Variants in CENPP observed in about 807,000 individuals in gnomAD.
CENPP encodes centromere protein P.
In CENPP, 24 loss-of-function variants were observed where a neutral mutation model predicts 35.6. The observed-to-expected ratio is 0.67, with a 90% CI of 0.49 to 0.95. The LOEUF is 0.95. Ranked by LOEUF, CENPP falls within the 40% of genes least tolerant of loss-of-function variation. The pLI is 0.00. For missense variants in CENPP, 332 were observed against 345.3 expected, an observed-to-expected ratio of 0.96 and a Z score of 0.31; for synonymous variants, 120 against 125.5, an observed-to-expected ratio of 0.96 and a Z score of 0.29.
intron 5 of CENPP, among the ~76,000 whole-genome samples, chr9:92,470,271 C>T (rs1183014691): frequency 6.6e-6 from 1 of 152,192 alleles, no homozygotes; most frequent in African/African-American, 2.4e-5. Context: ...CAGATATATT[C>T]TGTGTGCTGC....
intron 5 of CENPP, among the ~76,000 whole-genome samples, chr9:92,602,276 G>A (rs1207236076): frequency 1.3e-5 from 2 of 152,230 alleles, no homozygotes; most frequent in African/African-American, 4.8e-5. Context: ...CTTTCTGCTG[G>A]TAGAAAGCCA....
At chr9:92,595,575 GT>G (rs369954270) in intron 5 of CENPP, among the ~76,000 whole-genome samples, 12 of 147,766 alleles carry the variant, frequency 8.1e-5, no homozygotes, top group Non-Finnish European at 1.4e-4. Flanking sequence ...TTTGTTTTTT[GT>G]TTTTTTTTTC....
chr9:92,567,442 A>G (rs1346448511), intron 5 of CENPP, among the ~76,000 whole-genome samples: 4 of 148,476 alleles, frequency 2.7e-5, no homozygotes, highest in Admixed American at 1.4e-4. Context: ...TAGCGTATCC[A>G]TCATCTCAAA....
At position 92,619,573 on chromosome 9, in the gene CENPP, G is replaced by C. The variant is rs1431510379; in HGVS notation, c.*6424G>C. The C allele has an allele frequency of 3.8e-6, 6 of 1,572,184 alleles. No individual in the cohort carries two copies. The Admixed American group carries it at 5.7e-5, about 15-fold the overall frequency. ...GACGCGGTACTGCTGCACCTGCAGGGGCGGGAAAGATCAGCTCCAGGTCAC... is the reference window on the plus strand; with the variant it reads ...GACGCGGTACTGCTGCACCTGCAGGCGCGGGAAAGATCAGCTCCAGGTCAC... On this transcript the variant is annotated 3_prime_UTR_variant, in exon 8 of 8. Coordinates refer to ENST00000375587, the MANE Select transcript of CENPP (RefSeq NM_001012267.3).
intron 6 of CENPP, 67 bp from the exon 7 acceptor site, chr9:92,612,445 CCAGGTGCGACT>C: frequency 1.8e-6 from 2 of 1,107,422 alleles, no homozygotes. Flanking sequence ...GAAATGGAGA[CCAGGTGCGACT>C]CATGGTTGCT....
At chr9:92,604,025 G>C (rs780231357) in intron 5 of CENPP, among the ~76,000 whole-genome samples, 3 of 152,166 alleles carry the variant, frequency 2.0e-5, no homozygotes, top group Non-Finnish European at 4.4e-5. Flanking sequence ...ACTAATGATC[G>C]TTTGCATGCA....
At chr9:92,588,066 G>A (rs1406212647) in intron 5 of CENPP, among the ~76,000 whole-genome samples, 1 of 152,034 alleles carries the variant, frequency 6.6e-6, no homozygotes, top group Non-Finnish European at 1.5e-5. Context: ...CTTGAACCCA[G>A]GAGGCGGAGG....
intron 5 of CENPP, among the ~76,000 whole-genome samples, chr9:92,535,714 A>AT (rs1849128210): frequency 6.6e-6 from 1 of 152,146 alleles, no homozygotes; most frequent in Admixed American, 6.5e-5. Flanking sequence ...AATTCCACCT[A>AT]AACATATAAA....
intron 5 of CENPP, among the ~76,000 whole-genome samples, chr9:92,406,584 T>C (rs184911131): frequency 3.9e-4 from 59 of 152,284 alleles, no homozygotes; most frequent in African/African-American, 1.3e-3. Flanking sequence ...GTCAGGAATT[T>C]GGCGTGTCTT....
In CENPP at chr9:92,500,686, A is replaced by T. The variant is rs1210935102; in HGVS notation, c.565-110628A>T. The T allele has an allele frequency of 4.5e-6, 7 of 1,563,874 alleles. No individual in the cohort carries two copies. In the East Asian group the frequency reaches 1.6e-4, roughly 35 times the overall value. ...TGGTTGTTTTATCATATATTTTGCC[A>T]ACCAAAATTTAAACAGATACTTGAA... On this transcript the variant is annotated intron_variant, in intron 5 of 7. Coordinates refer to ENST00000375587, the MANE Select transcript of CENPP (RefSeq NM_001012267.3).
Position 92,476,686 on chromosome 9 carries a change from C to T in CENPP, c.564+96827C>T, listed in dbSNP as rs968214719. Among the ~76,000 whole-genome samples the T allele has an allele frequency of 2.6e-5, 4 of 152,256 alleles. No homozygotes were observed. The highest frequency in any genetic ancestry group is 2.9e-5 in the Non-Finnish European group (2 of 68,018). ...CAATTTCAAAACTAGCCCTAGCCTCCCATCTGTACACTACTTTGTGGAGGT... is the reference window on the plus strand; with the variant it reads ...CAATTTCAAAACTAGCCCTAGCCTCTCATCTGTACACTACTTTGTGGAGGT... On this transcript the variant is annotated intron_variant, in intron 5 of 7. Transcript: ENST00000375587. This position sits in a 1 kb window ranked among gnomAD's most constrained non-coding sequence, Gnocchi z 4.1.
chr9:92,349,250 G>A (rs995325431), intron 4 of CENPP, among the ~76,000 whole-genome samples: 1 of 152,006 alleles, frequency 6.6e-6, no homozygotes, highest in Non-Finnish European at 1.5e-5. Context: ...GCCCATTTAA[G>A]GAGTTCTTTA....
In CENPP at chr9:92,618,348, C is replaced by G. The variant is rs1024429289; in HGVS notation, c.*5199C>G. The G allele has an allele frequency of 1.5e-5, 7 of 456,610 alleles. No individual in the cohort carries two copies. Among genetic ancestry groups the G allele is most frequent in the African/African-American group, 1.4e-4 (7 of 50,064 alleles). 28.3% of individuals were successfully genotyped at this position (456,610 alleles called of 1,614,324 possible). ...CTGCTGAGCAGCTGGTCGTAAGGAC[C>G]CGGGCCTTCAGCTTTCCCCGCATGC... On this transcript the variant is annotated 3_prime_UTR_variant, in exon 8 of 8. Transcript: ENST00000375587.
intron 5 of CENPP, among the ~76,000 whole-genome samples, chr9:92,531,261 C>A (rs542796223): frequency 6.6e-6 from 1 of 152,086 alleles, no homozygotes; most frequent in South Asian, 2.1e-4. Context: ...TAATTATACA[C>A]TTTTTACCAT....
In CENPP at chr9:92,619,525, G is replaced by A; in HGVS notation, c.*6376G>A. On this transcript the variant is annotated 3_prime_UTR_variant, in exon 8 of 8. Transcript: ENST00000375587. Reference sequence around the variant, plus strand: ...ACAGGGAGACAGTGCAATCATGATGGAGCAGTCCTTGGCAGTCATGGCGAC... The same window carrying A: ...ACAGGGAGACAGTGCAATCATGATGAAGCAGTCCTTGGCAGTCATGGCGAC... The A allele has an allele frequency of 1.9e-6, 3 of 1,593,468 alleles. No homozygotes were observed. Among genetic ancestry groups the A allele is most frequent in the Non-Finnish European group, 2.6e-6 (3 of 1,170,484 alleles).
chr9:92,549,701 C>T (rs1849547174), intron 5 of CENPP, among the ~76,000 whole-genome samples: 1 of 151,566 alleles, frequency 6.6e-6, no homozygotes, highest in African/African-American at 2.4e-5. Context: ...GAGAATTTTG[C>T]CAAAGGAATT....
chr9:92,500,619 C>T, intron 5 of CENPP: 1 of 1,152,708 alleles, frequency 8.7e-7, no homozygotes, highest in South Asian at 1.6e-5. Flanking sequence ...CCCCTTAGCA[C>T]CATTTTTTTT....
chr9:92,509,166 C>G (rs901274419), intron 5 of CENPP, among the ~76,000 whole-genome samples: 2 of 151,880 alleles, frequency 1.3e-5, no homozygotes, highest in Admixed American at 6.6e-5. Context: ...TAAAGGCTGT[C>G]AGAAAGCTAG....
Position 92,613,154 on chromosome 9 carries a change from A to C in CENPP, c.*5A>C, listed in dbSNP as rs372500236. On this transcript the variant is annotated 3_prime_UTR_variant, in exon 8 of 8. Transcript: ENST00000375587. Reference sequence around the variant, plus strand: ...TGTGCAGAGGAGAACAACTAGTTCCAAAACAGTGAACGTGGAGGATGAAGA... The same window carrying C: ...TGTGCAGAGGAGAACAACTAGTTCCCAAACAGTGAACGTGGAGGATGAAGA... 2 of 1,614,196 alleles carry C rather than the reference A, an allele frequency of 1.2e-6. No homozygotes were observed.
Sources: allele counts gnomAD v4.1 joint callset (sites outside exome capture counted in the v4.1 genomes callset), GRCh38; gene constraint gnomAD v4.1.1; non-coding constraint Gnocchi (gnomAD v3.1); transcripts MANE v1.5; gene names NCBI Gene and HGNC (gene_info 2026-07-23, HGNC 2026-07-21).